Variants in LOC400499 observed in about 807,000 individuals in gnomAD.
the LOC400499 span, chr16:11,508,981 A>G: frequency 2.5e-6 from 1 of 397,080 alleles, no homozygotes; most frequent in African/African-American, 2.1e-5. Flanking sequence ...AACAGGTAAG[A>G]GGGGTGTCTA....
At chr16:11,469,112 G>A in the LOC400499 span, 1 of 399,268 alleles carries the variant, frequency 2.5e-6, no homozygotes, top group South Asian at 1.3e-4. Flanking sequence ...CTGGTACGGG[G>A]GAAGGAAATC....
the LOC400499 span, among the ~76,000 whole-genome samples, chr16:11,490,271 C>G: frequency 2.0e-5 from 3 of 151,976 alleles, no homozygotes; most frequent in Middle Eastern, 6.8e-3. Context: ...TGGTGTGCAG[C>G]TGTAATCCCA....
At chr16:11,405,240 T>G in the LOC400499 span, among the ~76,000 whole-genome samples, 1 of 152,192 alleles carries the variant, frequency 6.6e-6, no homozygotes, top group Admixed American at 6.5e-5. Flanking sequence ...AGCCCAGGGC[T>G]ACACGGTGGA....
the LOC400499 span, among the ~76,000 whole-genome samples, chr16:11,376,612 A>G: frequency 6.6e-6 from 1 of 152,206 alleles, no homozygotes; most frequent in African/African-American, 2.4e-5. Context: ...AAATTTTGAA[A>G]TTGGGAAGTA....
the LOC400499 span, among the ~76,000 whole-genome samples, chr16:11,510,958 A>G: frequency 2.0e-5 from 3 of 151,230 alleles, no homozygotes; most frequent in African/African-American, 7.3e-5. Flanking sequence ...CAGTGCTCAC[A>G]GAGGCCACGT....
chr16:11,503,294 C>T, the LOC400499 span, among the ~76,000 whole-genome samples: 5 of 152,100 alleles, frequency 3.3e-5, no homozygotes, highest in African/African-American at 1.2e-4. Flanking sequence ...ATAGGGGGTG[C>T]AGAGGGCCCA....
At chr16:11,417,120 C>G in the LOC400499 span, among the ~76,000 whole-genome samples, 1 of 151,256 alleles carries the variant, frequency 6.6e-6, no homozygotes, top group Admixed American at 6.6e-5. Context: ...CCCACCCCCC[C>G]TCACCCTCTG....
At chr16:11,457,214 T>C in the LOC400499 span, 148 of 598,600 alleles carry the variant, frequency 2.5e-4, no homozygotes, top group Admixed American at 5.2e-4. Context: ...GGTAAGGATG[T>C]GGAGAAATCT....
chr16:11,481,157 T>G, the LOC400499 span, among the ~76,000 whole-genome samples: 2 of 152,164 alleles, frequency 1.3e-5, no homozygotes, highest in Admixed American at 1.3e-4. Flanking sequence ...GGTAAATCCA[T>G]AGAGACAGGA....
chr16:11,449,573 G>A, the LOC400499 span, among the ~76,000 whole-genome samples: 1 of 152,194 alleles, frequency 6.6e-6, no homozygotes, highest in African/African-American at 2.4e-5. Context: ...CCCCCCATGG[G>A]ATGGTTCCCT....
chr16:11,393,167 T>TTTC, the LOC400499 span, among the ~76,000 whole-genome samples: 1 of 148,320 alleles, frequency 6.7e-6, no homozygotes, highest in African/African-American at 2.5e-5. Flanking sequence ...CCCCCCCCTT[T>TTTC]TTTTTAAGTA....
the LOC400499 span, among the ~76,000 whole-genome samples, chr16:11,434,405 C>G: frequency 6.6e-6 from 1 of 151,930 alleles, no homozygotes. Flanking sequence ...GCCTGTGATT[C>G]CAGCTACTAG....
chr16:11,463,852 T>C, the LOC400499 span, among the ~76,000 whole-genome samples: 1 of 152,060 alleles, frequency 6.6e-6, no homozygotes, highest in Non-Finnish European at 1.5e-5. Context: ...TGTATGTGTG[T>C]AAAGAGATGC....
the LOC400499 span, among the ~76,000 whole-genome samples, chr16:11,496,604 C>T: frequency 6.6e-6 from 1 of 152,110 alleles, no homozygotes; most frequent in Non-Finnish European, 1.5e-5. Flanking sequence ...CCTGTGCACA[C>T]GTGTCCCCAT....
the LOC400499 span, among the ~76,000 whole-genome samples, chr16:11,436,254 T>C: frequency 1.4e-4 from 21 of 152,244 alleles, no homozygotes; most frequent in African/African-American, 4.6e-4. Context: ...AGGACATCTT[T>C]GCAACTCCTC....
At chr16:11,450,388 G>C in the LOC400499 span, among the ~76,000 whole-genome samples, 5 of 152,290 alleles carry the variant, frequency 3.3e-5, no homozygotes, top group East Asian at 9.6e-4. Context: ...GTCATCTGCC[G>C]AGCAGGGATG....
the LOC400499 span, among the ~76,000 whole-genome samples, chr16:11,451,551 AAAACAAACAAACAAACAAAC>A: frequency 6.7e-6 from 1 of 149,466 alleles, no homozygotes; most frequent in South Asian, 2.1e-4. Context: ...ACCCTGTCTC[AAAACAAACAAACAAACAAAC>A]AAACAAACAA....
the LOC400499 span, chr16:11,477,881 C>T: frequency 5.0e-6 from 2 of 398,906 alleles, no homozygotes; most frequent in East Asian, 3.6e-5. Flanking sequence ...AGTGGTTCCT[C>T]GGACCCGGAT....
the LOC400499 span, chr16:11,460,876 T>C: frequency 2.8e-6 from 4 of 1,420,704 alleles, no homozygotes; most frequent in South Asian, 2.9e-5. Flanking sequence ...GGTGACAGCG[T>C]ATCTCAGCTC....
Sources: gnomAD v4.1 joint callset for allele counts (sites outside exome capture counted in the v4.1 genomes callset) on GRCh38, gnomAD v4.1.1 for gene constraint, MANE v1.5 for transcripts.